MICAL3: variants seen among roughly 807,000 people sequenced by gnomAD.
MICAL3 encodes [F-actin]-monooxygenase MICAL3.
Under a neutral mutation model 207.4 loss-of-function variants are expected in MICAL3, and 62 were observed. The ratio of observed to expected loss-of-function variants is 0.30; its 90% CI spans 0.24 to 0.37. The LOEUF is 0.37. Among genes scored for constraint, MICAL3 ranks in the 10% least tolerant of loss-of-function variants. The probability of loss-of-function intolerance (pLI) is 1.00; values close to 1 mark genes in which losing one functional copy is unlikely to be tolerated. For missense variants in MICAL3, 2,368 were observed against 2,635.6 expected (o/e 0.90, Z 2.22); for synonymous variants, 1,077 against 1,069.3 (o/e 1.01, Z -0.14).
At chr22:17,803,455 A>G (rs1041412861) in intron 29 of MICAL3, 1 of 152,048 alleles carries the variant, frequency 6.6e-6, no homozygotes, top group African/African-American at 2.4e-5. Context: ...CCTAGCAGAT[A>G]TGATTCCTAC....
chr22:17,880,135 G>T (rs151082142), intron 16 of MICAL3, among the ~76,000 whole-genome samples: 148 of 152,298 alleles, frequency 9.7e-4, no homozygotes, highest in African/African-American at 3.3e-3. Context: ...TCTAGCACCC[G>T]TGAGCATAAT....
chr22:17,809,166 C>T (rs1440808256), intron 28 of MICAL3, among the ~76,000 whole-genome samples: 3 of 152,196 alleles, frequency 2.0e-5, no homozygotes, highest in Admixed American at 2.0e-4. Context: ...AGCGCGTGGA[C>T]GTGACTCAAG....
chr22:17,926,961 AT>A, intron 1 of MICAL3, among the ~76,000 whole-genome samples: 1 of 152,178 alleles, frequency 6.6e-6, no homozygotes, highest in East Asian at 1.9e-4. Flanking sequence ...GTTTTTAACC[AT>A]TTTTAATTGT....
chr22:17,962,644 A>T (rs535876013), intron 1 of MICAL3, among the ~76,000 whole-genome samples: 40 of 152,332 alleles, frequency 2.6e-4, no homozygotes, highest in South Asian at 8.3e-4. Flanking sequence ...ATTATTCGAC[A>T]AATTTGGAGC....
At chr22:17,854,799 G>C (rs1925726398) in intron 19 of MICAL3, among the ~76,000 whole-genome samples, 2 of 152,242 alleles carry the variant, frequency 1.3e-5, no homozygotes, top group Admixed American at 1.3e-4. Context: ...GAGACCACCA[G>C]AGATGAATCT....
intron 19 of MICAL3, among the ~76,000 whole-genome samples, chr22:17,850,736 AT>A (rs940668074): frequency 1.9e-4 from 29 of 151,886 alleles, no homozygotes; most frequent in African/African-American, 6.8e-4. Flanking sequence ...CTGTCAGGTT[AT>A]TTTTACTGTT....
intron 7 of MICAL3, among the ~76,000 whole-genome samples, chr22:17,898,685 G>A (rs1349076611): frequency 1.3e-5 from 2 of 152,338 alleles, no homozygotes; most frequent in Middle Eastern, 3.4e-3. Flanking sequence ...TGATTCTCAC[G>A]TTGAGACCAG....
intron 22 of MICAL3, among the ~76,000 whole-genome samples, chr22:17,823,966 C>T (rs559720207): frequency 6.6e-6 from 1 of 152,308 alleles, no homozygotes; most frequent in African/African-American, 2.4e-5. Flanking sequence ...TTTGGGAGAG[C>T]ATTGGGGGCT....
intron 1 of MICAL3, chr22:18,005,019 T>G (rs1305476054): frequency 6.6e-6 from 1 of 151,984 alleles, no homozygotes; most frequent in East Asian, 1.9e-4. Flanking sequence ...CTGCAACCTC[T>G]GCCTCCTGAT....
In MICAL3 at chr22:17,796,423, G is replaced by A. The variant is rs376138913; in HGVS notation, c.5651-5122C>T. 4.6e-5 allele frequency among the ~76,000 whole-genome samples: 7 copies of A among 152,340 alleles called. No homozygotes were observed. The highest frequency in any genetic ancestry group is 1.9e-4 in the East Asian group (1 of 5,182). ...CACTCTCCGGCTTCAGGGCGCCCTC[G>A]CATGCACCACCCACGTGATCCTCAC... On this transcript the variant is annotated intron_variant, in intron 29 of 31. Coordinates refer to ENST00000441493, the MANE Select transcript of MICAL3 (RefSeq NM_015241.3). The surrounding 1 kb of genome is among the most constrained non-coding windows in gnomAD (Gnocchi z 4.4).
intron 1 of MICAL3, among the ~76,000 whole-genome samples, chr22:17,988,912 C>T (rs942870671): frequency 3.3e-5 from 5 of 152,326 alleles, no homozygotes; most frequent in Middle Eastern, 3.4e-3. Flanking sequence ...CTGTGGCTGC[C>T]TTCACACAAC....
chr22:17,954,164 T>C (rs995194438), intron 1 of MICAL3, among the ~76,000 whole-genome samples: 1 of 152,102 alleles, frequency 6.6e-6, no homozygotes, highest in African/African-American at 2.4e-5. Flanking sequence ...TGGCTTACTG[T>C]TATCATCCTT....
Position 17,818,418 on chromosome 22 carries a change from C to T in MICAL3, c.4243G>A (p.Ala1415Thr), listed in dbSNP as rs534856649. The part of the protein sequence containing the change: ...RSPSDRELRS[A>T]QEERRELSSS... ...GACAGCTCCCTGCGCTCCTCCTGGG[C>T]GCTGCGTAGCTCTCTGTCGGACGGG... is the stretch of plus-strand genomic sequence containing the variant. Residue 1415 changes from alanine to threonine, a missense_variant, in exon 26 of 32, where the codon GCC becomes ACC. Ala to Thr is a moderately conservative substitution (Grantham distance 58). Transcript: ENST00000441493. The T allele has an allele frequency of 1.6e-5, 25 of 1,612,068 alleles. No individual in the cohort carries two copies. The Middle Eastern group carries it at 6.6e-4, about 42-fold the overall frequency.
intron 1 of MICAL3, among the ~76,000 whole-genome samples, chr22:17,925,023 G>A (rs780248410): frequency 4.6e-5 from 7 of 152,212 alleles, no homozygotes; most frequent in Non-Finnish European, 4.4e-5. Context: ...CGGGGGGAAA[G>A]AGTCCTGGGA....
At chr22:17,797,590 T>G (rs1324530094) in intron 29 of MICAL3, among the ~76,000 whole-genome samples, 1 of 152,168 alleles carries the variant, frequency 6.6e-6, no homozygotes, top group African/African-American at 2.4e-5. Flanking sequence ...TGTGTGGCGG[T>G]GGGTGCTGGC....
chr22:17,895,497 A>T (rs1930751835), intron 9 of MICAL3, 87 bp from the exon 10 acceptor site: 1 of 1,473,144 alleles, frequency 6.8e-7, no homozygotes. Flanking sequence ...ACAGCGCAGC[A>T]AGTCACCTGA....
At chr22:17,911,039 T>C (rs1159984839) in intron 1 of MICAL3, among the ~76,000 whole-genome samples, 1 of 151,878 alleles carries the variant, frequency 6.6e-6, no homozygotes, top group Non-Finnish European at 1.5e-5. Flanking sequence ...GAAGAGGAGG[T>C]GATGCCAGGT....
chr22:18,008,256 G>C (rs575125247), intron 1 of MICAL3, among the ~76,000 whole-genome samples: 1 of 152,032 alleles, frequency 6.6e-6, no homozygotes. Context: ...AAAAAGCATG[G>C]TGCAATAGGA....
chr22:17,851,125 A>G (rs1000389145), intron 19 of MICAL3, among the ~76,000 whole-genome samples: 10 of 152,234 alleles, frequency 6.6e-5, no homozygotes, highest in African/African-American at 2.2e-4. Flanking sequence ...GTAAGATCTC[A>G]GAAAGGGTAG....
Sources: gnomAD v4.1 joint callset for allele counts (sites outside exome capture counted in the v4.1 genomes callset) on GRCh38, gnomAD v4.1.1 for gene constraint, Gnocchi (gnomAD v3.1) non-coding constraint, MANE v1.5 for transcripts, NCBI Gene and HGNC (gene_info 2026-07-23, HGNC 2026-07-21) for gene names.